The following SMPD3 variants were observed in gnomAD, a reference collection of about 807,000 sequenced individuals.
SMPD3 encodes the protein sphingomyelin phosphodiesterase 3.
Under a neutral mutation model 55.7 loss-of-function variants are expected in SMPD3, and 21 were observed. That is an observed-to-expected ratio of 0.38 (90% confidence interval 0.27 to 0.54). SMPD3 has a LOEUF of 0.54. Among genes scored for constraint, SMPD3 ranks in the 20% least tolerant of loss-of-function variants. SMPD3 has a pLI of 0.80. For missense variants in SMPD3, 842 were observed against 899.6 expected, an observed-to-expected ratio of 0.94 and a Z score of 0.82; for synonymous variants, 457 against 404.3, an observed-to-expected ratio of 1.13 and a Z score of -1.56.
At chr16:68,406,718 G>A (rs759093340) in intron 1 of SMPD3, among the ~76,000 whole-genome samples, 9 of 152,204 alleles carry the variant, frequency 5.9e-5, no homozygotes, top group Admixed American at 2.0e-4. Flanking sequence ...GGTTGGGGAC[G>A]CTTATTGTTC....
rs1445833179 is a variant in SMPD3, at chr16:68,364,642, C to T, written c.1555+109G>A. The T allele has an allele frequency of 2.0e-5, 26 of 1,297,144 alleles. No homozygotes were observed. The South Asian group carries it at 3.4e-4, about 17-fold the overall frequency. The allele number at this position is 1,297,144 out of a possible 1,614,324, so 80.4% of individuals were successfully genotyped here. A position where few individuals can be genotyped will look rare whatever the true frequency, so the allele number is the denominator to read the frequency against. ...TTGCTAAATACCCCGCCCACATGCT[C>T]TCGAGGAGCAGGAATTCTTTGAGCT... is the stretch of plus-strand genomic sequence containing the variant. On this transcript the variant is annotated intron_variant, in intron 5 of 8. Transcript: ENST00000219334.
At chr16:68,409,262 G>A (rs1360921319) in intron 1 of SMPD3, among the ~76,000 whole-genome samples, 1 of 152,222 alleles carries the variant, frequency 6.6e-6, no homozygotes, top group African/African-American at 2.4e-5. Flanking sequence ...CCCCAGCAGA[G>A]AGTGCCTTTC....
At chr16:68,407,533 CT>C (rs2090263891) in intron 1 of SMPD3, among the ~76,000 whole-genome samples, 1 of 151,896 alleles carries the variant, frequency 6.6e-6, no homozygotes, top group South Asian at 2.1e-4. Flanking sequence ...GGAGTCTTTG[CT>C]ATGTTGGCCA....
intron 1 of SMPD3, among the ~76,000 whole-genome samples, chr16:68,429,232 G>T (rs2090461079): frequency 6.6e-6 from 1 of 152,228 alleles, no homozygotes; most frequent in African/African-American, 2.4e-5. Flanking sequence ...GATACAGTGG[G>T]CTCCATTCCA....
chr16:68,386,362 T>G (rs867716471), intron 2 of SMPD3, among the ~76,000 whole-genome samples: 1 of 152,202 alleles, frequency 6.6e-6, no homozygotes, highest in Admixed American at 6.5e-5. Context: ...CTCCATAGAT[T>G]GGGTGTATTG....
At chr16:68,432,816 C>CT (rs1379676672) in intron 1 of SMPD3, among the ~76,000 whole-genome samples, 1 of 152,124 alleles carries the variant, frequency 6.6e-6, no homozygotes, top group African/African-American at 2.4e-5. Context: ...CTTTTCTTTT[C>CT]TTTTTTCTCT....
intron 8 of SMPD3, 111 bp downstream of exon 8, chr16:68,361,489 CATT>C: frequency 6.8e-7 from 1 of 1,468,612 alleles, no homozygotes; most frequent in Non-Finnish European, 9.3e-7. Flanking sequence ...TGATGGGTAT[CATT>C]GTAAGAGTGG....
chr16:68,366,084 TGAG>T (rs1023986434), intron 3 of SMPD3, among the ~76,000 whole-genome samples: 6 of 152,144 alleles, frequency 3.9e-5, no homozygotes, highest in East Asian at 3.9e-4. Context: ...TTTCCCAAGA[TGAG>T]GAGACCCCAG....
At chr16:68,387,060 A>G (rs533455505) in intron 1 of SMPD3, among the ~76,000 whole-genome samples, 54 of 152,290 alleles carry the variant, frequency 3.5e-4, no homozygotes, top group African/African-American at 1.3e-3. Context: ...TTAATCTGAT[A>G]GTTAGAACCA....
chr16:68,373,477 A>G (rs1436146007), intron 2 of SMPD3, among the ~76,000 whole-genome samples: 2 of 152,160 alleles, frequency 1.3e-5, no homozygotes, highest in East Asian at 3.9e-4. Flanking sequence ...TTTCCCACCC[A>G]CTGTCTTGCT....
chr16:68,416,326 T>C (rs2090339212), intron 1 of SMPD3, among the ~76,000 whole-genome samples: 1 of 152,194 alleles, frequency 6.6e-6, no homozygotes, highest in Admixed American at 6.5e-5. Flanking sequence ...TTGTTCCCTG[T>C]GAGCCCCTTC....
chr16:68,439,153 T>C (rs1178396618), intron 1 of SMPD3, among the ~76,000 whole-genome samples: 1 of 152,184 alleles, frequency 6.6e-6, no homozygotes, highest in Non-Finnish European at 1.5e-5. Flanking sequence ...AGATGAAGTC[T>C]GGAAAGGTTA....
chr16:68,361,343 C>A, intron 8 of SMPD3, 36 bp from the exon 9 acceptor site: 1 of 1,583,178 alleles, frequency 6.3e-7, no homozygotes, highest in South Asian at 1.1e-5. Flanking sequence ...ACAGCCTGGT[C>A]AGATTCCAAG....
At chr16:68,398,115 C>G (rs1465790221) in intron 1 of SMPD3, among the ~76,000 whole-genome samples, 3 of 152,070 alleles carry the variant, frequency 2.0e-5, no homozygotes, top group Non-Finnish European at 4.4e-5. Flanking sequence ...CACCTGGGCC[C>G]CTGCTGGAGC....
intron 1 of SMPD3, among the ~76,000 whole-genome samples, chr16:68,440,404 T>A (rs1015180547): frequency 6.6e-6 from 1 of 152,222 alleles, no homozygotes; most frequent in African/African-American, 2.4e-5. Flanking sequence ...TTTCACCATG[T>A]TGCCCAGGCT....
At chr16:68,418,753 C>T (rs2090360605) in intron 1 of SMPD3, among the ~76,000 whole-genome samples, 1 of 152,216 alleles carries the variant, frequency 6.6e-6, no homozygotes, top group Non-Finnish European at 1.5e-5. Context: ...CTCTTTTGTT[C>T]ATTTCTAAAG....
intron 1 of SMPD3, among the ~76,000 whole-genome samples, chr16:68,414,786 G>A (rs6499175): frequency 0.74 from 111,881 of 152,162 alleles, 41,867 homozygotes; most frequent in East Asian, 0.87. Context: ...ATGGGCTGCC[G>A]GGAGGGGAAG....
At chr16:68,380,144 G>A (rs2089915921) in intron 2 of SMPD3, among the ~76,000 whole-genome samples, 2 of 152,252 alleles carry the variant, frequency 1.3e-5, no homozygotes, top group South Asian at 4.1e-4. Flanking sequence ...GCTGGATGGA[G>A]GCTGGCACCT....
rs2089426731 is a variant in SMPD3, at chr16:68,364,827, G to A, written c.1479C>T (p.Ser493=). The A allele has an allele frequency of 6.2e-7, 1 of 1,613,924 alleles. No homozygotes were observed. ...LADFRKSTSS[S]SAANPEELVA... ...CCAGCTCCTCGGGGTTGGCTGCGCT[G>A]GACGAGGAGGTAGATTTTCGGAAAT... Residue 493 remains serine, a synonymous_variant, in exon 5 of 9, where the codon TCC becomes TCT. Coordinates refer to ENST00000219334, the MANE Select transcript of SMPD3 (RefSeq NM_018667.4).
Sources: allele counts gnomAD v4.1 joint callset (sites outside exome capture counted in the v4.1 genomes callset), GRCh38; gene constraint gnomAD v4.1.1; transcripts MANE v1.5; gene names NCBI Gene and HGNC (gene_info 2026-07-23, HGNC 2026-07-21).